Variants in TRERF1 observed in about 807,000 individuals in gnomAD.
TRERF1 encodes transcriptional-regulating factor 1.
In TRERF1, 27 loss-of-function variants were observed where a neutral mutation model predicts 122.9. That is an observed-to-expected ratio of 0.22 (90% CI 0.16 to 0.30). The LOEUF (loss-of-function observed/expected upper bound fraction) is 0.30. Ranked by LOEUF, TRERF1 falls within the 10% of genes least tolerant of loss-of-function variation. The pLI, the probability that TRERF1 is intolerant of heterozygous loss-of-function variation, is 1.00. For missense variants in TRERF1, 1,248 were observed against 1,560.3 expected, an observed-to-expected ratio of 0.80 and a Z score of 3.37; for synonymous variants, 636 against 641.7, an observed-to-expected ratio of 0.99 and a Z score of 0.13.
intron 3 of TRERF1, among the ~76,000 whole-genome samples, chr6:42,327,409 C>T (rs531201342): frequency 2.1e-4 from 32 of 152,260 alleles, no homozygotes; most frequent in African/African-American, 6.7e-4. Context: ...GAGTCATTGA[C>T]CCAATCTGGT....
intron 2 of TRERF1, among the ~76,000 whole-genome samples, chr6:42,408,535 C>T (rs1221127794): frequency 6.6e-6 from 1 of 151,380 alleles, no homozygotes; most frequent in African/African-American, 2.4e-5. Context: ...TGTGCCAACA[C>T]ACCCGGCTAA....
intron 3 of TRERF1, among the ~76,000 whole-genome samples, chr6:42,345,710 T>C (rs1324045770): frequency 6.6e-6 from 1 of 152,244 alleles, no homozygotes; most frequent in Non-Finnish European, 1.5e-5. Flanking sequence ...AAAAGCCTCA[T>C]TCTCCCATGC....
In TRERF1 at chr6:42,259,674, A is replaced by T. The variant is rs1326270518; in HGVS notation, c.1934T>A (p.Leu645His). Residue 645 changes from leucine (L) to histidine (H), a missense_variant, in exon 9 of 18, where the codon CTC becomes CAC. By Grantham distance (99) the Leu-to-His change is moderately conservative (BLOSUM62 -3). Around this residue, in one of 5 missense-constraint regions of TRERF1, gnomAD observed 946 missense variants for 1,073.0 expected, o/e 0.88. Transcript: ENST00000372922. The surrounding 1 kb of genome is among the most constrained non-coding windows in gnomAD (Gnocchi z 4.9). ...CTTTTTCTTCTCCTGCACGGTCTTG[A>T]GGGGCTCCTCGGCTTTGGGCACACT... The T allele has an allele frequency of 1.2e-6, 2 of 1,609,042 alleles. No homozygotes were observed. The highest frequency in any genetic ancestry group is 1.7e-6 in the Non-Finnish European group (2 of 1,179,970).
chr6:42,313,106 C>T (rs562658444), intron 3 of TRERF1, among the ~76,000 whole-genome samples: 1 of 152,116 alleles, frequency 6.6e-6, no homozygotes, highest in South Asian at 2.1e-4. Context: ...GGGGAACCAG[C>T]AGAAGTTTTG....
At chr6:42,349,362 C>G (rs1481509809) in intron 3 of TRERF1, among the ~76,000 whole-genome samples, 1 of 152,012 alleles carries the variant, frequency 6.6e-6, no homozygotes, top group Non-Finnish European at 1.5e-5. Flanking sequence ...GAATCTACCC[C>G]TAGATTGTTC....
intron 3 of TRERF1, among the ~76,000 whole-genome samples, chr6:42,317,084 C>A (rs1762615928): frequency 6.6e-6 from 1 of 152,190 alleles, no homozygotes; most frequent in Non-Finnish European, 1.5e-5. Context: ...CCATTTTCCA[C>A]ACCCCTACGA....
chr6:42,333,492 C>G (rs1381083813), intron 3 of TRERF1, among the ~76,000 whole-genome samples: 1 of 152,218 alleles, frequency 6.6e-6, no homozygotes, highest in African/African-American at 2.4e-5. Flanking sequence ...TGGCTGCTCA[C>G]TGCACCTGAC....
intron 3 of TRERF1, among the ~76,000 whole-genome samples, chr6:42,343,261 G>A (rs1767633123): frequency 6.6e-6 from 1 of 152,158 alleles, no homozygotes; most frequent in Non-Finnish European, 1.5e-5. Context: ...CTAAAGGTTT[G>A]CTTAAAAGTA....
chr6:42,423,950 T>C (rs937274469), intron 2 of TRERF1, among the ~76,000 whole-genome samples: 1 of 152,264 alleles, frequency 6.6e-6, no homozygotes, highest in Non-Finnish European at 1.5e-5. Context: ...TAAGTTTTTA[T>C]TGACCTTCAA....
intron 2 of TRERF1, among the ~76,000 whole-genome samples, chr6:42,425,067 G>A (rs1783396086): frequency 1.3e-5 from 2 of 152,106 alleles, no homozygotes; most frequent in South Asian, 4.1e-4. Context: ...CTCCTCAGCT[G>A]AGTTATCATG....
At chr6:42,413,895 T>A (rs566446598) in intron 2 of TRERF1, among the ~76,000 whole-genome samples, 11 of 152,238 alleles carry the variant, frequency 7.2e-5, no homozygotes, top group African/African-American at 2.6e-4. Context: ...TGAGCAAATG[T>A]CAGGGAAGAG....
intron 2 of TRERF1, among the ~76,000 whole-genome samples, chr6:42,413,430 T>G (rs1419439301): frequency 1.0e-5 from 1 of 100,376 alleles, no homozygotes; most frequent in Admixed American, 8.6e-5. Context: ...GAATCTGCAT[T>G]TTTTTTTTTT....
intron 2 of TRERF1, among the ~76,000 whole-genome samples, chr6:42,363,391 AAAGT>A (rs1010956651): frequency 5.3e-5 from 8 of 152,218 alleles, no homozygotes; most frequent in African/African-American, 1.9e-4. Context: ...GCTTCAACGT[AAAGT>A]AATATCCAGA....
chr6:42,401,321 C>T (rs984490449), intron 2 of TRERF1, among the ~76,000 whole-genome samples: 1 of 152,152 alleles, frequency 6.6e-6, no homozygotes, highest in Non-Finnish European at 1.5e-5. Flanking sequence ...CTTCACCATC[C>T]GTGCTCTCAA....
intron 3 of TRERF1, among the ~76,000 whole-genome samples, chr6:42,357,328 CAAAAAAAAAAAAA>C: frequency 1.6e-5 from 1 of 61,158 alleles, no homozygotes; most frequent in East Asian, 3.1e-4. Context: ...GACTCTGTCT[CAAAAAAAAAAAAA>C]AAAAAAAAAA....
intron 3 of TRERF1, among the ~76,000 whole-genome samples, chr6:42,359,208 C>T (rs1771223581): frequency 6.6e-6 from 1 of 152,180 alleles, no homozygotes; most frequent in Admixed American, 6.5e-5. Flanking sequence ...GAGAGGTCAG[C>T]CCTGTGGCAC....
intron 2 of TRERF1, among the ~76,000 whole-genome samples, chr6:42,416,735 T>C (rs1367104460): frequency 1.3e-5 from 2 of 152,160 alleles, no homozygotes; most frequent in Admixed American, 6.5e-5. Context: ...ACAATGTAAA[T>C]GGCATTAGAA....
chr6:42,313,423 CTCTCTCTCTCTGTT>C (rs1761997974), intron 3 of TRERF1, among the ~76,000 whole-genome samples: 1 of 152,034 alleles, frequency 6.6e-6, no homozygotes, highest in Non-Finnish European at 1.5e-5. Context: ...TAAGCCTCAT[CTCTCTCTCTCTGTT>C]TCTCTCTCTT....
intron 8 of TRERF1, among the ~76,000 whole-genome samples, chr6:42,260,327 C>G (rs1427147687): frequency 6.6e-6 from 1 of 152,038 alleles, no homozygotes; most frequent in Non-Finnish European, 1.5e-5. Flanking sequence ...TAACCTCCCC[C>G]GTCACCACCC....
Sources: allele counts gnomAD v4.1 joint callset (sites outside exome capture counted in the v4.1 genomes callset), GRCh38; gene constraint gnomAD v4.1.1; regional missense constraint gnomAD v4.1.1; non-coding constraint Gnocchi (gnomAD v3.1); transcripts MANE v1.5; gene names NCBI Gene and HGNC (gene_info 2026-07-23, HGNC 2026-07-21).